The following ZNF557 variants were observed in gnomAD, a reference collection of about 807,000 sequenced individuals.
The protein encoded by ZNF557 is zinc finger protein 557, also known as CTB-25J19.9.
Under a neutral mutation model 21.2 loss-of-function variants are expected in ZNF557, and 19 were observed. That is an observed-to-expected ratio of 0.90 (90% CI 0.63 to 1.32). The LOEUF is 1.32. ZNF557 is among the 40% of genes most tolerant of loss of function. The probability of loss-of-function intolerance (pLI) is 0.00; values close to 1 mark genes in which losing one functional copy is unlikely to be tolerated. For synonymous variants in ZNF557, 207 were observed against 194.8 expected, an observed-to-expected ratio of 1.06 and a Z score of -0.52; for missense variants, 487 against 519.8, an observed-to-expected ratio of 0.94 and a Z score of 0.61.
At chr19:7,073,191 C>G (rs1161610438) in intron 2 of ZNF557, among the ~76,000 whole-genome samples, 1 of 145,434 alleles carries the variant, frequency 6.9e-6, no homozygotes, top group Non-Finnish European at 1.5e-5. Context: ...CTTACTCTCA[C>G]CCAGGCTAGA....
At chr19:7,081,653 T>C (rs1037862331) in intron 6 of ZNF557, among the ~76,000 whole-genome samples, 198 bp downstream of exon 6, 1 of 152,184 alleles carries the variant, frequency 6.6e-6, no homozygotes, top group African/African-American at 2.4e-5. Context: ...TCTCATACTT[T>C]ACTTGGGCCT....
rs1267150287 is a variant in ZNF557, at chr19:7,082,072, T to C, written c.426+20T>C. ...AAAATGGTAAGACTAACATGGGTGA[T>C]TCCTGGTTTTTTTCATGGTAGAATG... On this transcript the variant is annotated intron_variant, in intron 7 of 7. Transcript: ENST00000252840. The C allele has an allele frequency of 1.1e-5, 17 of 1,593,068 alleles. No homozygotes were observed. The highest frequency in any genetic ancestry group is 1.4e-5 in the Non-Finnish European group (16 of 1,161,936).
rs1977785160 is a variant in ZNF557, at chr19:7,084,255, A to G, written c.*511A>G. The G allele has an allele frequency of 1.3e-5, 2 of 156,588 alleles. No individual in the cohort carries two copies. Among genetic ancestry groups the G allele is most frequent in the African/African-American group, 4.8e-5 (2 of 41,460 alleles). The allele number at this position is 156,588 out of a possible 1,614,324, so 9.7% of individuals were successfully genotyped here. A position where few individuals can be genotyped will look rare whatever the true frequency, so the allele number is the denominator to read the frequency against. On this transcript the variant is annotated 3_prime_UTR_variant, in exon 8 of 8. Transcript: ENST00000252840. ...TGGTCATACACACCAATCCTGATAC[A>G]ATGTGGAAGAACACCACAGGAGGTA...
At chr19:7,070,766 ATT>A (rs58796000) in intron 2 of ZNF557, 113 bp downstream of exon 2, 462 of 137,470 alleles carry the variant, frequency 3.4e-3, no homozygotes, top group Non-Finnish European at 3.0e-3. Flanking sequence ...CAGTGAGGGT[ATT>A]TTTTTTTTTT....
rs1977703687 is a variant in ZNF557, at chr19:7,081,442, A to G, written c.330A>G (p.Ser110=). 4 of 1,611,610 alleles carry G rather than the reference A, an allele frequency of 2.5e-6. No homozygotes were observed. Among genetic ancestry groups the G allele is most frequent in the Non-Finnish European group, 3.4e-6 (4 of 1,177,956 alleles). Residue 110 remains serine (S), a synonymous_variant, in exon 6 of 8, where the codon TCA becomes TCG. Coordinates refer to ENST00000252840, the MANE Select transcript of ZNF557 (RefSeq NM_024341.3). ...KVMTEERGIL[S]GTCPDVENPF... is the part of the protein sequence containing the mutation. ...TGACAGAAGAGAGAGGAATTCTCTC[A>G]GGTACCTGTCCAGGTGAGCACCAGG...
chr19:7,072,726 C>T (rs1388498068), intron 2 of ZNF557, among the ~76,000 whole-genome samples: 1 of 152,160 alleles, frequency 6.6e-6, no homozygotes, highest in Non-Finnish European at 1.5e-5. Flanking sequence ...CTTCCCAGTC[C>T]CCTTCTTCCC....
rs1977460679 is a variant in ZNF557, at chr19:7,071,671, C to A, written c.-80+1018C>A. 3.9e-5 allele frequency among the ~76,000 whole-genome samples: 6 copies of A among 152,010 alleles called. No individual in the cohort carries two copies. In the South Asian group the frequency reaches 1.3e-3, roughly 32 times the overall value. ...CCAGCCTGGCCAACAGGGTGAAACC[C>A]CGTCTGTACTAAAAATATATAAATT... On this transcript the variant is annotated intron_variant, in intron 2 of 7. Coordinates refer to ENST00000252840, the MANE Select transcript of ZNF557 (RefSeq NM_024341.3).
At chr19:7,072,634 C>T (rs1021896691) in intron 2 of ZNF557, among the ~76,000 whole-genome samples, 1 of 152,194 alleles carries the variant, frequency 6.6e-6, no homozygotes, top group Non-Finnish European at 1.5e-5. Flanking sequence ...CCTGCCTCTG[C>T]ACGTGCACTT....
intron 5 of ZNF557, among the ~76,000 whole-genome samples, chr19:7,077,132 C>CTTTTTTTTTTTTTTTTTTTTTTTT (rs4031071): frequency 1.3e-5 from 1 of 78,368 alleles, no homozygotes; most frequent in Admixed American, 2.0e-4. Flanking sequence ...TGTTTTCTTT[C>CTTTTTTTTTTTTTTTTTTTTTTTT]TTTTTTTTTT....
At chr19:7,078,065 T>C (rs1441195061) in intron 5 of ZNF557, among the ~76,000 whole-genome samples, 1 of 152,214 alleles carries the variant, frequency 6.6e-6, no homozygotes, top group South Asian at 2.1e-4. Flanking sequence ...TTATCAAATA[T>C]ATCATTTTCA....
At chr19:7,074,056 A>G (rs896092227) in intron 2 of ZNF557, among the ~76,000 whole-genome samples, 10 of 149,118 alleles carry the variant, frequency 6.7e-5, no homozygotes, top group African/African-American at 2.2e-4. Flanking sequence ...GCTGGAGTGC[A>G]ATGGTGCAAT....
chr19:7,079,541 A>G (rs1320208285), intron 5 of ZNF557, among the ~76,000 whole-genome samples: 2 of 151,826 alleles, frequency 1.3e-5, no homozygotes, highest in Admixed American at 1.3e-4. Context: ...CGCCCGGCCC[A>G]TTTTTTTGTT....
At position 7,083,892 on chromosome 19, in the gene ZNF557, C is replaced by A. The variant is rs1180473873; in HGVS notation, c.*148C>A. 1 of 950,182 alleles carries A rather than the reference C, an allele frequency of 1.1e-6. No homozygotes were observed. Among genetic ancestry groups the A allele is most frequent in the African/African-American group, 1.7e-5 (1 of 60,066 alleles). 58.9% of individuals were successfully genotyped at this position (950,182 alleles called of 1,614,324 possible). A position where few individuals can be genotyped will look rare whatever the true frequency, so the allele number is the denominator to read the frequency against. ...CTTCAAACAAAAACACTTGTTATCT[C>A]AAAATTTTTGTAGGTCAGGAATTCA... On this transcript the variant is annotated 3_prime_UTR_variant, in exon 8 of 8. Transcript: ENST00000252840.
At chr19:7,074,329 TATAC>T (rs1287218099) in intron 2 of ZNF557, among the ~76,000 whole-genome samples, 4 of 147,178 alleles carry the variant, frequency 2.7e-5, no homozygotes, top group Admixed American at 2.0e-4. Flanking sequence ...TTTGTGTGTA[TATAC>T]ACACACACAC....
Position 7,075,676 on chromosome 19 carries a change from C to T in ZNF557, c.53C>T (p.Ala18Val). Residue 18 changes from alanine (A) to valine (V), a missense_variant, in exon 4 of 8, where the codon GCC becomes GTC. Physicochemically the swap from Ala to Val is moderately conservative, Grantham distance 64. Coordinates refer to ENST00000252840, the MANE Select transcript of ZNF557 (RefSeq NM_024341.3). ...PTAALSSLFP[A>V]SQREGHTEGG... ...CCAGCTCTGTCTTCCCTGTTCCCAG[C>T]CTCTCAGCGAGAAGGACACACAGAG... 1 of 1,613,618 alleles carries T rather than the reference C, an allele frequency of 6.2e-7. No individual in the cohort carries two copies. The highest frequency in any genetic ancestry group is 8.5e-7 in the Non-Finnish European group (1 of 1,179,678).
Position 7,082,587 on chromosome 19 carries a change from G to A in ZNF557, c.427-291G>A, listed in dbSNP as rs182129054. Among the ~76,000 whole-genome samples the A allele has an allele frequency of 4.0e-4, 61 of 152,242 alleles. 1 individual carries two copies. Among genetic ancestry groups the A allele is most frequent in the Admixed American group, 3.9e-3 (59 of 15,286 alleles). ...TTGTTTTTCCTGAGAATTCCCACAA[G>A]TAAATATTTCCAGTAGTCTGAGTCA... On this transcript the variant is annotated intron_variant, in intron 7 of 7. Transcript: ENST00000252840.
chr19:7,074,830 G>A, intron 2 of ZNF557, among the ~76,000 whole-genome samples, 166 bp from the exon 3 acceptor site: 1 of 109,506 alleles, frequency 9.1e-6, no homozygotes, highest in South Asian at 3.5e-4. Context: ...GGGCTGGAGA[G>A]GGGGTGACCG....
intron 2 of ZNF557, among the ~76,000 whole-genome samples, chr19:7,072,712 A>G (rs535102957): frequency 6.6e-6 from 1 of 152,174 alleles, no homozygotes; most frequent in South Asian, 2.1e-4. Flanking sequence ...TTTTCCTTCC[A>G]AGGCTTCCCA....
At chr19:7,070,143 A>G (rs1253143466) in intron 1 of ZNF557, among the ~76,000 whole-genome samples, 2 of 152,158 alleles carry the variant, frequency 1.3e-5, no homozygotes, top group South Asian at 4.1e-4. Flanking sequence ...CCAGCCCCAA[A>G]TGTCATTAGT....
Sources: allele counts gnomAD v4.1 joint callset (sites outside exome capture counted in the v4.1 genomes callset), GRCh38; gene constraint gnomAD v4.1.1; transcripts MANE v1.5; gene names NCBI Gene and HGNC (gene_info 2026-07-23, HGNC 2026-07-21).